Variants in CBFA2T2 observed in about 807,000 individuals in gnomAD.
CBFA2T2 encodes protein CBFA2T2.
A neutral mutation model predicts 62.2 loss-of-function variants in CBFA2T2; 11 were observed. The ratio of observed to expected loss-of-function variants is 0.18; its 90% CI spans 0.11 to 0.29. The LOEUF is 0.29. Ranked by LOEUF, CBFA2T2 falls within the 10% of genes least tolerant of loss-of-function variation. The probability of loss-of-function intolerance (pLI) is 1.00; values close to 1 mark genes in which losing one functional copy is unlikely to be tolerated. For missense variants in CBFA2T2, 592 were observed against 774.1 expected, an observed-to-expected ratio of 0.76 and a Z score of 2.79; for synonymous variants, 295 against 287.5, an observed-to-expected ratio of 1.03 and a Z score of -0.27.
intron 1 of CBFA2T2, among the ~76,000 whole-genome samples, chr20:33,491,301 C>T (rs935425821): frequency 6.6e-6 from 1 of 151,970 alleles, no homozygotes; most frequent in Non-Finnish European, 1.5e-5. Flanking sequence ...ACAAGATAGA[C>T]CGAACTGGGG....
At chr20:33,502,126 G>A (rs1489494132) in intron 1 of CBFA2T2, among the ~76,000 whole-genome samples, 2 of 152,024 alleles carry the variant, frequency 1.3e-5, no homozygotes, top group African/African-American at 2.4e-5. Context: ...GCTAATTTTT[G>A]TTGTTGTTTC....
chr20:33,491,189 CA>C (rs2011144166), intron 1 of CBFA2T2, among the ~76,000 whole-genome samples: 3 of 152,104 alleles, frequency 2.0e-5, no homozygotes, highest in Non-Finnish European at 4.4e-5. Context: ...TAATAGCCAA[CA>C]TTTTTTTGAG....
chr20:33,537,678 A>C (rs1361834932), intron 1 of CBFA2T2, among the ~76,000 whole-genome samples: 1 of 152,270 alleles, frequency 6.6e-6, no homozygotes, highest in South Asian at 2.1e-4. Flanking sequence ...ACATGGTATG[A>C]GATATTAAGG....
intron 1 of CBFA2T2, among the ~76,000 whole-genome samples, chr20:33,544,980 T>TAGAACAGAACAGAACAGAAC (rs1377815951): frequency 6.1e-5 from 8 of 132,046 alleles, no homozygotes; most frequent in African/African-American, 2.9e-4. Context: ...TAGAATAGAA[T>TAGAACAGAACAGAACAGAAC]AGAATAGAAT....
Position 33,494,610 on chromosome 20 carries a change from T to A in CBFA2T2, c.34+4309T>A, listed in dbSNP as rs185493426. ...TATTAGGTGTATTGTTTTGTTTTAT[T>A]TTGTTTTGAGATGGAGTTTTGCTCT... is the stretch of plus-strand genomic sequence containing the variant. On this transcript the variant is annotated intron_variant, in intron 1 of 10. Transcript: ENST00000342704. Among the ~76,000 whole-genome samples, 7 of 141,690 alleles carry A rather than the reference T, an allele frequency of 4.9e-5. No homozygotes were observed. In the East Asian group the frequency reaches 1.5e-3, roughly 30 times the overall value. The allele number at this position is 141,690 out of a possible 152,430, so 93.0% of individuals were successfully genotyped here.
At chr20:33,563,816 A>G (rs1326719625) in intron 1 of CBFA2T2, among the ~76,000 whole-genome samples, 1 of 152,076 alleles carries the variant, frequency 6.6e-6, no homozygotes, top group African/African-American at 2.4e-5. Context: ...TTTTAACTTC[A>G]GCTCCTGGGC....
intron 1 of CBFA2T2, among the ~76,000 whole-genome samples, chr20:33,583,914 A>T (rs1448747195): frequency 6.9e-6 from 1 of 145,914 alleles, no homozygotes; most frequent in Non-Finnish European, 1.5e-5. Context: ...AAGTGATTTT[A>T]TTTATTTATT....
At chr20:33,493,725 A>ACTG (rs1403058991) in intron 1 of CBFA2T2, among the ~76,000 whole-genome samples, 1 of 151,764 alleles carries the variant, frequency 6.6e-6, no homozygotes, top group East Asian at 1.9e-4. Flanking sequence ...CTGGTCTTGA[A>ACTG]CTGCTGGGCT....
At chr20:33,594,334 G>A (rs1489935707) in intron 1 of CBFA2T2, among the ~76,000 whole-genome samples, 5 of 152,072 alleles carry the variant, frequency 3.3e-5, no homozygotes, top group Admixed American at 1.3e-4. Flanking sequence ...CAATTCTCTT[G>A]CCTCAGCCTC....
At chr20:33,599,865 A>T (rs2015045463) in intron 1 of CBFA2T2, among the ~76,000 whole-genome samples, 1 of 152,260 alleles carries the variant, frequency 6.6e-6, no homozygotes, top group South Asian at 2.1e-4. Flanking sequence ...AAGTGCTGGG[A>T]TTACAGGCGT....
intron 4 of CBFA2T2, among the ~76,000 whole-genome samples, chr20:33,622,342 C>T (rs186337194): frequency 8.5e-5 from 13 of 152,282 alleles, no homozygotes; most frequent in African/African-American, 3.1e-4. Context: ...TTCACTTGCT[C>T]ATCTGTCCCT....
chr20:33,551,219 CT>C (rs1167930785), intron 1 of CBFA2T2, among the ~76,000 whole-genome samples: 266 of 137,466 alleles, frequency 1.9e-3, no homozygotes, highest in Admixed American at 2.0e-3. Flanking sequence ...ATTTTCTGTG[CT>C]TTTTTTTTTT....
At chr20:33,571,308 T>C (rs2013555692) in intron 1 of CBFA2T2, among the ~76,000 whole-genome samples, 1 of 152,250 alleles carries the variant, frequency 6.6e-6, no homozygotes, top group Non-Finnish European at 1.5e-5. Flanking sequence ...CTTTATTCTA[T>C]TTTCTCACAT....
chr20:33,515,512 A>G (rs1360703224), intron 1 of CBFA2T2, among the ~76,000 whole-genome samples: 1 of 152,012 alleles, frequency 6.6e-6, no homozygotes, highest in South Asian at 2.1e-4. Flanking sequence ...TTGACACTAT[A>G]GTTTTTTATT....
Position 33,649,338 on chromosome 20 carries a change from C to T in CBFA2T2, c.*4692C>T, listed in dbSNP as rs2017169473. ...CAGCGGCTCCGCAGGGCCCTTCCAACTCTGGAGTGTCTGTAGTTCTTGTGA... is the reference window on the plus strand; with the variant it reads ...CAGCGGCTCCGCAGGGCCCTTCCAATTCTGGAGTGTCTGTAGTTCTTGTGA... On this transcript the variant is annotated 3_prime_UTR_variant, in exon 11 of 11. Coordinates refer to ENST00000342704, the MANE Select transcript of CBFA2T2 (RefSeq NM_001032999.3). 6.5e-6 allele frequency: 1 copy of T among 152,692 alleles called. No individual in the cohort carries two copies. Among genetic ancestry groups the T allele is most frequent in the Non-Finnish European group, 1.5e-5 (1 of 68,056 alleles). The allele number at this position is 152,692 out of a possible 1,614,324, so 9.5% of individuals were successfully genotyped here.
rs73119170 is a variant in CBFA2T2, at chr20:33,597,101, G to T, written c.35-9855G>T. ...TCTCACACCTGGCTAATTTTTTTTT[G>T]GTTTTAATTTTGTGGAGCCGGGGTC... On this transcript the variant is annotated intron_variant, in intron 1 of 10. Transcript: ENST00000342704. 7.9e-3 allele frequency among the ~76,000 whole-genome samples: 1,192 copies of T among 150,710 alleles called. 5 individuals carry two copies. The highest frequency in any genetic ancestry group is 0.021 in the Middle Eastern group (6 of 292).
rs1309089527 is a variant in CBFA2T2, at chr20:33,627,911, C to A, written c.947-439C>A. Among the ~76,000 whole-genome samples, 3 of 152,118 alleles carry A rather than the reference C, an allele frequency of 2.0e-5. No individual in the cohort carries two copies. In the South Asian group the frequency reaches 6.2e-4, roughly 32 times the overall value. ...TCAGTATATATCAAAACTATCCCCC[C>A]ACCAAAAAAATTTTTTTAAGTTACT... On this transcript the variant is annotated intron_variant, in intron 6 of 10. Transcript: ENST00000342704.
intron 1 of CBFA2T2, among the ~76,000 whole-genome samples, chr20:33,584,270 C>CTT (rs567328176): frequency 1.5e-5 from 2 of 129,380 alleles, no homozygotes; most frequent in Non-Finnish European, 1.7e-5. Flanking sequence ...TTTTTTTTTT[C>CTT]TTTTTTTTTT....
intron 1 of CBFA2T2, among the ~76,000 whole-genome samples, chr20:33,527,111 A>C (rs1600930780): frequency 1.3e-5 from 2 of 152,344 alleles, no homozygotes; most frequent in South Asian, 4.1e-4. Flanking sequence ...AGTTTTGTAA[A>C]CCCAGAAGCC....
Sources: allele counts gnomAD v4.1 joint callset (sites outside exome capture counted in the v4.1 genomes callset), GRCh38; gene constraint gnomAD v4.1.1; transcripts MANE v1.5; gene names NCBI Gene and HGNC (gene_info 2026-07-23, HGNC 2026-07-21).